The following CDH3 variants were observed in gnomAD, a reference collection of about 807,000 sequenced individuals.
CDH3 encodes the protein cadherin-3.
Under a neutral mutation model 82.0 loss-of-function variants are expected in CDH3, and 54 were observed. The ratio of observed to expected loss-of-function variants is 0.66; its 90% CI spans 0.53 to 0.83. CDH3 has a LOEUF of 0.83. CDH3 is among the 40% of genes least tolerant of loss of function. CDH3 has a pLI of 0.00. For synonymous variants in CDH3, 446 were observed against 437.9 expected (o/e 1.02, Z -0.23); for missense variants, 1,054 against 1,084.6 (o/e 0.97, Z 0.40).
At chr16:68,650,501 A>G (rs1048838418) in intron 2 of CDH3, among the ~76,000 whole-genome samples, 3 of 152,108 alleles carry the variant, frequency 2.0e-5, no homozygotes, top group African/African-American at 7.2e-5. Flanking sequence ...GGGTTTTATC[A>G]TGTTGGTCAG....
chr16:68,710,967 A>G (rs1597827962), intron 1 of CDH3, among the ~76,000 whole-genome samples: 3 of 69,240 alleles, frequency 4.3e-5, no homozygotes, highest in African/African-American at 1.8e-4. Flanking sequence ...AGGGGAGGGG[A>G]AGGAGGGGGG....
chr16:68,695,568 G>A (rs1961696211), intron 14 of CDH3, among the ~76,000 whole-genome samples, 183 bp downstream of exon 14: 1 of 152,220 alleles, frequency 6.6e-6, no homozygotes, highest in African/African-American at 2.4e-5. Flanking sequence ...TTTGGCCCTA[G>A]CCAAGTTAAC....
chr16:68,663,645 A>G (rs1364629335), intron 2 of CDH3, among the ~76,000 whole-genome samples: 1 of 151,876 alleles, frequency 6.6e-6, no homozygotes, highest in African/African-American at 2.4e-5. Context: ...ATGATGTTGT[A>G]TGCACTAAGG....
intron 1 of CDH3, among the ~76,000 whole-genome samples, chr16:68,708,407 CCAAA>C (rs1961989745): frequency 6.6e-6 from 1 of 151,328 alleles, no homozygotes; most frequent in South Asian, 2.1e-4. Context: ...AAGTTTCACT[CCAAA>C]TCAAACCACG....
Position 68,675,061 on chromosome 16 carries a change from C to T in CDH3, c.161-1324C>T, listed in dbSNP as rs190326713. Among the ~76,000 whole-genome samples, 7 of 150,734 alleles carry T rather than the reference C, an allele frequency of 4.6e-5. No individual in the cohort carries two copies. In the East Asian group the frequency reaches 9.7e-4, roughly 21 times the overall value. ...CTGGGAGGTGGAGGTTGCAGTGAGC[C>T]GAGATCATGCCACTGCACTCCAGCC... On this transcript the variant is annotated intron_variant, in intron 2 of 15. Transcript: ENST00000264012.
intron 10 of CDH3, 55 bp downstream of exon 10, chr16:68,684,879 G>T: frequency 6.2e-7 from 1 of 1,608,810 alleles, no homozygotes; most frequent in Non-Finnish European, 8.5e-7. Context: ...TGGTGGGTGG[G>T]TGATCATGGC....
At chr16:68,667,341 A>G (rs1960760091) in intron 2 of CDH3, among the ~76,000 whole-genome samples, 1 of 152,116 alleles carries the variant, frequency 6.6e-6, no homozygotes, top group South Asian at 2.1e-4. Context: ...CTCTTCCCCC[A>G]ACTCCCCAGG....
downstream of CDH3, among the ~76,000 whole-genome samples, chr16:68,702,194 C>A (rs1181832122): frequency 1.3e-5 from 2 of 152,124 alleles, no homozygotes; most frequent in African/African-American, 4.8e-5. Context: ...GCCCAGCCTA[C>A]ACACATGCTT....
chr16:68,731,045 A>ATATAC (rs1396395240), downstream of CDH3, among the ~76,000 whole-genome samples: 42 of 17,264 alleles, frequency 2.4e-3, 2 homozygotes, highest in African/African-American at 5.4e-3. Context: ...AAAAAAAAAA[A>ATATAC]AAATATATAT....
In CDH3 at chr16:68,651,473, G is replaced by A. The variant is rs554083654; in HGVS notation, c.160+5723G>A. 9.6e-4 allele frequency: 431 copies of A among 448,598 alleles called. 6 individuals are homozygous for A. Among genetic ancestry groups the A allele is most frequent in the African/African-American group, 8.0e-3 (384 of 48,190 alleles). The allele number at this position is 448,598 out of a possible 1,614,324, so 27.8% of individuals were successfully genotyped here. On this transcript the variant is annotated intron_variant, in intron 2 of 15. Transcript: ENST00000264012. The stretch of plus-strand genomic sequence containing the variant: ...TCTGCAGCCCGATGACGCACTGGCC[G>A]GCCTTCATGGTGTTCTAGTCGAAGT...
In CDH3 at chr16:68,681,077, C is replaced by A; in HGVS notation, c.977C>A (p.Pro326His). Reference protein sequence around the residue: ...VEILDANDNAPMFDPQKYEAH... With the variant: ...VEILDANDNAHMFDPQKYEAH... ...ATCCTTGATGCCAATGACAATGCTC[C>A]CATGTTTGACCCCCAGAAGGTAATG... Residue 326 changes from proline to histidine, a missense_variant, in exon 8 of 16, where the codon CCC becomes CAC. Physicochemically the swap from Pro to His is moderately conservative, Grantham distance 77. Coordinates refer to ENST00000264012, the MANE Select transcript of CDH3 (RefSeq NM_001793.6). 6.2e-7 allele frequency: 1 copy of A among 1,613,984 alleles called. No homozygotes were observed. Among genetic ancestry groups the A allele is most frequent in the Non-Finnish European group, 8.5e-7 (1 of 1,180,000 alleles).
chr16:68,715,216 A>G (rs571011847), intron 1 of CDH3, among the ~76,000 whole-genome samples: 1 of 152,126 alleles, frequency 6.6e-6, no homozygotes, highest in East Asian at 1.9e-4. Context: ...ACTCGAAGCC[A>G]GGAGTTCGAG....
At chr16:68,647,537 G>C (rs540856592) in intron 2 of CDH3, among the ~76,000 whole-genome samples, 2 of 152,228 alleles carry the variant, frequency 1.3e-5, no homozygotes, top group African/African-American at 4.8e-5. Flanking sequence ...GTGGGTTTGC[G>C]CCAGGAGCAC....
downstream of CDH3, among the ~76,000 whole-genome samples, chr16:68,701,544 ATT>A (rs71382058): frequency 0.56 from 70,880 of 127,664 alleles, 18,684 homozygotes; most frequent in Middle Eastern, 0.58. Flanking sequence ...ATTACACACA[ATT>A]TTTTTTTTTT....
chr16:68,709,426 G>A (rs1962001140), intron 1 of CDH3, among the ~76,000 whole-genome samples: 1 of 152,082 alleles, frequency 6.6e-6, no homozygotes, highest in African/African-American at 2.4e-5. Context: ...AAGCTCAAAA[G>A]GTGACCGGAG....
At chr16:68,688,877 TC>T (rs1165375985) in intron 12 of CDH3, among the ~76,000 whole-genome samples, 10 of 152,228 alleles carry the variant, frequency 6.6e-5, no homozygotes, top group African/African-American at 2.2e-4. Context: ...GCCTTGGCCT[TC>T]CAAAGTGCTG....
At chr16:68,658,237 G>A (rs1960460227) in intron 2 of CDH3, among the ~76,000 whole-genome samples, 1 of 151,990 alleles carries the variant, frequency 6.6e-6, no homozygotes. Context: ...ACTGTTTAGA[G>A]AAATGATTTG....
At chr16:68,660,020 C>T (rs1362011960) in intron 2 of CDH3, among the ~76,000 whole-genome samples, 1 of 152,156 alleles carries the variant, frequency 6.6e-6, no homozygotes, top group African/African-American at 2.4e-5. Context: ...TTTAGCCAGT[C>T]TTCTACTTTT....
In CDH3 at chr16:68,698,560, C is replaced by T; in HGVS notation, c.*160C>T. 1.6e-6 allele frequency: 1 copy of T among 642,150 alleles called. No homozygotes were observed. Among genetic ancestry groups the T allele is most frequent in the Non-Finnish European group, 2.7e-6 (1 of 364,530 alleles). The allele number at this position is 642,150 out of a possible 1,614,324, so 39.8% of individuals were successfully genotyped here. ...AGTCTGACGTTAGAGTGGTGGCTTC[C>T]TTAGCCTTTCAGGATGGAGGAATGT... On this transcript the variant is annotated 3_prime_UTR_variant, in exon 16 of 16. Transcript: ENST00000264012.
Sources: gnomAD v4.1 joint callset for allele counts (sites outside exome capture counted in the v4.1 genomes callset) on GRCh38, gnomAD v4.1.1 for gene constraint, MANE v1.5 for transcripts, NCBI Gene and HGNC (gene_info 2026-07-23, HGNC 2026-07-21) for gene names.